PKP1: variants seen among roughly 807,000 people sequenced by gnomAD.
PKP1 encodes plakophilin-1.
Under a neutral mutation model 76.4 loss-of-function variants are expected in PKP1, and 27 were observed. The ratio of observed to expected loss-of-function variants is 0.35; its 90% confidence interval spans 0.26 to 0.49. The LOEUF is 0.49. Ranked by LOEUF, PKP1 falls within the 20% of genes least tolerant of loss-of-function variation. The probability of loss-of-function intolerance (pLI) is 0.99; values close to 1 mark genes in which losing one functional copy is unlikely to be tolerated. For missense variants in PKP1, 964 were observed against 955.2 expected, an observed-to-expected ratio of 1.01 and a Z score of -0.12; for synonymous variants, 404 against 384.2, an observed-to-expected ratio of 1.05 and a Z score of -0.60.
intron 6 of PKP1, chr1:201,319,670 G>A: frequency 1.3e-6 from 1 of 784,540 alleles, no homozygotes. Context: ...CACATTGCTT[G>A]GGGATGAGCC....
rs961694284 is a variant in PKP1 at position 201,283,671 on chromosome 1, C to T, written c.-32C>T. 1 of 1,597,256 alleles carries T rather than the reference C, an allele frequency of 6.3e-7. No individual in the cohort carries two copies. Among genetic ancestry groups the T allele is most frequent in the South Asian group, 1.1e-5 (1 of 89,754 alleles). The stretch of plus-strand genomic sequence containing the variant: ...CGCCTCGCCTCTCTGCTCTCCTAGG[C>T]CCCGGCCGCGCGCCACCCGCCTCCC... On this transcript the variant is annotated 5_prime_UTR_variant, in exon 1 of 14. Transcript: ENST00000367324.
chr1:201,316,823 G>A lies in PKP1; in HGVS notation c.846+126G>A, dbSNP rs1656766565. ...CTTCTCTTGCCTTGCCCAGCTGCCA[G>A]GAGCCTTCGCATTGCCCAAGGTTAG... On this transcript the variant is annotated intron_variant, in intron 4 of 13. Coordinates refer to ENST00000367324, the MANE Select transcript of PKP1 (RefSeq NM_001005337.3). The A allele has an allele frequency of 4.9e-6, 5 of 1,028,328 alleles. No individual in the cohort carries two copies. In the South Asian group the frequency reaches 7.0e-5, roughly 14 times the overall value. The allele number at this position is 1,028,328 out of a possible 1,614,324, so 63.7% of individuals were successfully genotyped here. A position where few individuals can be genotyped will look rare whatever the true frequency, so the allele number is the denominator to read the frequency against.
At chr1:201,311,145 A>G (rs931244118) in intron 2 of PKP1, among the ~76,000 whole-genome samples, 4 of 152,218 alleles carry the variant, frequency 2.6e-5, no homozygotes, top group African/African-American at 7.2e-5. Flanking sequence ...CCCTTTGGCA[A>G]TGCTGGGCTT....
intron 1 of PKP1, among the ~76,000 whole-genome samples, 181 bp from the exon 2 acceptor site, chr1:201,293,761 T>C (rs1387201416): frequency 6.6e-6 from 1 of 152,174 alleles, no homozygotes; most frequent in Non-Finnish European, 1.5e-5. Flanking sequence ...CTTCCCTTGG[T>C]CCCGGCTGTG....
chr1:201,316,827 C>G (rs764091286), intron 4 of PKP1, 130 bp downstream of exon 4: 8 of 960,834 alleles, frequency 8.3e-6, no homozygotes, highest in East Asian at 7.7e-5. Context: ...CTGCCAGGAG[C>G]CTTCGCATTG....
At position 201,283,647 on chromosome 1, in the gene PKP1, G is replaced by A; in HGVS notation, c.-56G>A. ...CTGCCCGCCCGCTGCACCGCACCTC[G>A]CCTCGCCTCTCTGCTCTCCTAGGCC... On this transcript the variant is annotated 5_prime_UTR_variant, in exon 1 of 14. Coordinates refer to ENST00000367324, the MANE Select transcript of PKP1 (RefSeq NM_001005337.3). The A allele has an allele frequency of 6.8e-7, 1 of 1,475,334 alleles. No individual in the cohort carries two copies. Among genetic ancestry groups the A allele is most frequent in the Non-Finnish European group, 9.4e-7 (1 of 1,067,254 alleles). The allele number at this position is 1,475,334 out of a possible 1,614,324, so 91.4% of individuals were successfully genotyped here.
At position 201,283,654 on chromosome 1, in the gene PKP1, C is replaced by G. The variant is rs1478110058; in HGVS notation, c.-49C>G. 3.3e-6 allele frequency: 5 copies of G among 1,532,066 alleles called. No homozygotes were observed. Among genetic ancestry groups the G allele is most frequent in the East Asian group, 2.3e-5 (1 of 42,800 alleles). 94.9% of individuals were successfully genotyped at this position (1,532,066 alleles called of 1,614,324 possible). On this transcript the variant is annotated 5_prime_UTR_variant, in exon 1 of 14. Transcript: ENST00000367324. ...CCCGCTGCACCGCACCTCGCCTCGC[C>G]TCTCTGCTCTCCTAGGCCCCGGCCG...
At chr1:201,321,743 G>T (rs147635710) in intron 7 of PKP1, among the ~76,000 whole-genome samples, 113 of 152,290 alleles carry the variant, frequency 7.4e-4, no homozygotes, top group African/African-American at 2.7e-3. Flanking sequence ...AGATAGCTGA[G>T]GCCCAGAGAA....
At chr1:201,287,399 C>T (rs1487168928) in intron 1 of PKP1, among the ~76,000 whole-genome samples, 1 of 152,182 alleles carries the variant, frequency 6.6e-6, no homozygotes, top group East Asian at 1.9e-4. Flanking sequence ...GACTATGTCT[C>T]AGCATGAGCT....
rs34626929 is a variant in PKP1, at chr1:201,313,206, G to A, written c.347G>A (p.Arg116His). 7,006 of 1,606,386 alleles carry A rather than the reference G, an allele frequency of 4.4e-3. 244 individuals carry two copies. In the African/African-American group the frequency reaches 0.08, roughly 18 times the overall value. ...CTCAAGCGGGAGCCTGACAACAGGC[G>A]CTTCAGCTCCTACAGCCAGATGGAG... is the stretch of plus-strand genomic sequence containing the variant. ...GTLKREPDNR[R>H]FSSYSQMENW... The change falls in exon 3 of 14, where the codon CGC becomes CAC. Residue 116 changes from arginine to histidine, a missense_variant. Physicochemically the swap from Arg to His is conservative, Grantham distance 29. Coordinates refer to ENST00000367324, the MANE Select transcript of PKP1 (RefSeq NM_001005337.3).
Position 201,293,969 on chromosome 1 carries a change from A to G in PKP1, c.230A>G (p.Asn77Ser), listed in dbSNP as rs150847034. 10 of 1,613,740 alleles carry G rather than the reference A, an allele frequency of 6.2e-6. No individual in the cohort carries two copies. The highest frequency in any genetic ancestry group is 8.5e-6 in the Non-Finnish European group (10 of 1,179,770). Residue 77 changes from asparagine (N) to serine (S), a missense_variant, in exon 2 of 14, where the codon AAT becomes AGT. Physicochemically the swap from Asn to Ser is conservative, Grantham distance 46. Coordinates refer to ENST00000367324, the MANE Select transcript of PKP1 (RefSeq NM_001005337.3). ...TCCATGTATGATGGCTTGGCTGACA[A>G]TTACAACTATGGGACCACCAGCAGG... is the stretch of plus-strand genomic sequence containing the variant. ...RGSMYDGLAD[N>S]YNYGTTSRSS...
intron 8 of PKP1, 69 bp from the exon 9 acceptor site, chr1:201,322,944 C>G: frequency 1.3e-5 from 20 of 1,512,116 alleles, no homozygotes; most frequent in Non-Finnish European, 1.8e-5. Flanking sequence ...GGGATGGGGA[C>G]AGAATGCCTG....
chr1:201,320,452 C>A, intron 7 of PKP1, 71 bp downstream of exon 7: 2 of 959,466 alleles, frequency 2.1e-6, no homozygotes, highest in African/African-American at 1.6e-5. Flanking sequence ...GCCTTTGAGG[C>A]CTGGCCCAGT....
intron 8 of PKP1, among the ~76,000 whole-genome samples, chr1:201,322,486 A>T (rs1200815412): frequency 2.0e-5 from 3 of 151,496 alleles, no homozygotes. Flanking sequence ...CAGAACTCTC[A>T]CTCTTTCTGG....
chr1:201,325,653 C>T, intron 11 of PKP1, 101 bp from the exon 12 acceptor site: 1 of 897,730 alleles, frequency 1.1e-6, no homozygotes, highest in Non-Finnish European at 1.8e-6. Context: ...CTGAGGCCTC[C>T]CCTGTGTCCA....
chr1:201,316,610 C>T lies in PKP1; in HGVS notation c.759C>T (p.Tyr253=), dbSNP rs780733975. Residue 253 remains tyrosine (Y), a synonymous_variant, in exon 4 of 14, where the codon TAC becomes TAT. Coordinates refer to ENST00000367324, the MANE Select transcript of PKP1 (RefSeq NM_001005337.3). The part of the protein sequence containing the change: ...SGLTIPKAVQ[Y]LSSQDEKYQA... ...TGACCATCCCCAAGGCTGTGCAGTA[C>T]CTGAGCTCCCAGGATGAGAAGTACC... The T allele has an allele frequency of 6.2e-7, 1 of 1,612,852 alleles. No homozygotes were observed. Among genetic ancestry groups the T allele is most frequent in the Non-Finnish European group, 8.5e-7 (1 of 1,179,484 alleles).
At chr1:201,313,737 G>A (rs921926617) in intron 3 of PKP1, among the ~76,000 whole-genome samples, 177 bp downstream of exon 3, 9 of 152,216 alleles carry the variant, frequency 5.9e-5, no homozygotes, top group Admixed American at 2.0e-4. Flanking sequence ...CTGGCCCCAT[G>A]GGCCCTTGAA....
intron 2 of PKP1, among the ~76,000 whole-genome samples, chr1:201,302,095 G>A (rs1481359157): frequency 1.3e-5 from 2 of 152,164 alleles, no homozygotes; most frequent in Admixed American, 6.5e-5. Context: ...TCCAACCCGC[G>A]GCACCTGGTT....
chr1:201,321,906 A>T (rs1220754210), intron 7 of PKP1, 72 bp from the exon 8 acceptor site: 1 of 1,561,760 alleles, frequency 6.4e-7, no homozygotes, highest in African/African-American at 1.4e-5. Flanking sequence ...CTTATTAGCT[A>T]GGGTAGGTGG....
Sources: allele counts gnomAD v4.1 joint callset (sites outside exome capture counted in the v4.1 genomes callset), GRCh38; gene constraint gnomAD v4.1.1; transcripts MANE v1.5; gene names NCBI Gene and HGNC (gene_info 2026-07-23, HGNC 2026-07-21).